ADAMTS12: variants seen among roughly 807,000 people sequenced by gnomAD.
The protein encoded by ADAMTS12 is ADAM metallopeptidase with thrombospondin type 1 motif 12, also known as A disintegrin and metalloproteinase with thrombospondin motifs 12.
Under a neutral mutation model 167.8 loss-of-function variants are expected in ADAMTS12, and 118 were observed. The ratio of observed to expected loss-of-function variants is 0.70; its 90% confidence interval spans 0.61 to 0.82. The LOEUF is 0.82. Ranked by LOEUF, ADAMTS12 falls within the 40% of genes least tolerant of loss-of-function variation. ADAMTS12 has a pLI of 0.00. For synonymous variants in ADAMTS12, 704 were observed against 716.9 expected, an observed-to-expected ratio of 0.98 and a Z score of 0.29; for missense variants, 1,916 against 1,998.8, an observed-to-expected ratio of 0.96 and a Z score of 0.79.
intron 2 of ADAMTS12, among the ~76,000 whole-genome samples, chr5:33,855,220 C>G (rs530519824): frequency 6.6e-6 from 1 of 152,306 alleles, no homozygotes; most frequent in South Asian, 2.1e-4. Flanking sequence ...AAAAGAGTAA[C>G]GTGGTATGAG....
chr5:33,739,816 T>C (rs1473072318), intron 3 of ADAMTS12, among the ~76,000 whole-genome samples: 4 of 152,020 alleles, frequency 2.6e-5, no homozygotes, highest in Admixed American at 6.6e-5. Context: ...GGCAAGGGTG[T>C]AAAGAAGGCA....
chr5:33,546,342 C>A, intron 21 of ADAMTS12, 140 bp from the exon 22 acceptor site: 2 of 692,042 alleles, frequency 2.9e-6, no homozygotes, highest in Non-Finnish European at 4.1e-6. Context: ...TTATAGCATT[C>A]CTGCAAATTC....
intron 19 of ADAMTS12, among the ~76,000 whole-genome samples, 185 bp from the exon 20 acceptor site, chr5:33,561,364 C>A (rs1036841066): frequency 6.6e-6 from 1 of 152,218 alleles, no homozygotes; most frequent in African/African-American, 2.4e-5. Context: ...TGGGGTAGGA[C>A]CCGGGGATGC....
At position 33,524,438 on chromosome 5, in the gene ADAMTS12, A is replaced by G. The variant is rs1743714367; in HGVS notation, c.*2750T>C. On this transcript the variant is annotated 3_prime_UTR_variant, in exon 24 of 24. Transcript: ENST00000504830. The stretch of plus-strand genomic sequence containing the variant: ...ACCAGGCCCTGCGATGGCCCTCTCT[A>G]TTTCATAGAGATATGTATCCAGTGT... 1 of 152,176 alleles carries G rather than the reference A, an allele frequency of 6.6e-6. No homozygotes were observed. Among genetic ancestry groups the G allele is most frequent in the African/African-American group, 2.4e-5 (1 of 41,438 alleles). The allele number at this position is 152,176 out of a possible 1,614,324, so 9.4% of individuals were successfully genotyped here.
chr5:33,750,065 T>C (rs1203447221), intron 3 of ADAMTS12, among the ~76,000 whole-genome samples: 2 of 152,168 alleles, frequency 1.3e-5, no homozygotes, highest in African/African-American at 4.8e-5. Flanking sequence ...TAATAGGAAT[T>C]GGGCAATTAT....
rs117104138 is a variant in ADAMTS12, at chr5:33,669,628, C to T, written c.916-7588G>A. 3.8e-3 allele frequency among the ~76,000 whole-genome samples: 579 copies of T among 151,434 alleles called. 10 individuals are homozygous for T. In the East Asian group the frequency reaches 0.068, roughly 18 times the overall value. ...ACTTATTCTGCACTTCTTGAATATA[C>T]GAGTTGAAGGCCAGAAGGTGTAGTA... On this transcript the variant is annotated intron_variant, in intron 5 of 23. Transcript: ENST00000504830.
At chr5:33,791,995 C>CTTTTTT (rs746021718) in intron 2 of ADAMTS12, among the ~76,000 whole-genome samples, 6 of 119,362 alleles carry the variant, frequency 5.0e-5, no homozygotes, top group African/African-American at 1.3e-4. Context: ...TGCTTTCACA[C>CTTTTTT]TTTTTTTTTT....
At chr5:33,802,265 C>T (rs777057650) in intron 2 of ADAMTS12, among the ~76,000 whole-genome samples, 3 of 152,212 alleles carry the variant, frequency 2.0e-5, no homozygotes, top group Middle Eastern at 3.2e-3. Context: ...AGTTCTCCAA[C>T]ACTAATCAAA....
At position 33,683,067 on chromosome 5, in the gene ADAMTS12, T is replaced by C. The variant is rs1463109282; in HGVS notation, c.866A>G (p.Asn289Ser). The change falls in exon 5 of 24, where the codon AAT becomes AGT. Residue 289 changes from asparagine (N) to serine (S), a missense_variant. By Grantham distance (46) the Asn-to-Ser change is conservative. Transcript: ENST00000504830. ...CCGAACCACAACAATGTGAATTGCA[T>C]TGCCAATGCTTGGGTTATGGAACAA... is the stretch of plus-strand genomic sequence containing the variant. ...TGLFHNPSIGNAIHIVVVRLI... is the reference protein window; with the variant it reads ...TGLFHNPSIGSAIHIVVVRLI... 27 of 1,613,676 alleles carry C rather than the reference T, an allele frequency of 1.7e-5. No homozygotes were observed. The highest frequency in any genetic ancestry group is 2.3e-5 in the Non-Finnish European group (27 of 1,179,826).
intron 12 of ADAMTS12, among the ~76,000 whole-genome samples, chr5:33,632,875 G>T (rs981970024): frequency 6.6e-6 from 1 of 152,188 alleles, no homozygotes; most frequent in Non-Finnish European, 1.5e-5. Context: ...GCTGGGAAGA[G>T]TTGGGACCAG....
intron 2 of ADAMTS12, among the ~76,000 whole-genome samples, chr5:33,829,159 C>G (rs6894469): frequency 1.3e-5 from 2 of 151,908 alleles, no homozygotes; most frequent in Non-Finnish European, 2.9e-5. Context: ...TACTTGCATG[C>G]CAATAATGGG....
At chr5:33,800,738 A>G (rs1746966528) in intron 2 of ADAMTS12, among the ~76,000 whole-genome samples, 2 of 152,174 alleles carry the variant, frequency 1.3e-5, no homozygotes, top group South Asian at 2.1e-4. Flanking sequence ...CTTACATTCA[A>G]TGGTGTGCTG....
chr5:33,652,590 C>G (rs1176863388), intron 7 of ADAMTS12, among the ~76,000 whole-genome samples: 1 of 152,026 alleles, frequency 6.6e-6, no homozygotes, highest in Non-Finnish European at 1.5e-5. Flanking sequence ...TCTGTTTACT[C>G]CACTGATTAT....
chr5:33,723,423 T>C (rs1371245535), intron 3 of ADAMTS12, among the ~76,000 whole-genome samples: 1 of 152,184 alleles, frequency 6.6e-6, no homozygotes. Flanking sequence ...CTTGCCCCTC[T>C]ATCTCCAAAT....
chr5:33,822,801 A>C (rs2591730), intron 2 of ADAMTS12, among the ~76,000 whole-genome samples: 14,200 of 152,232 alleles, frequency 0.093, 827 homozygotes, highest in South Asian at 0.24. Flanking sequence ...CTCAAGAAAA[A>C]TATAGGCCGG....
chr5:33,780,380 A>T (rs1407449645), intron 2 of ADAMTS12, among the ~76,000 whole-genome samples: 1 of 152,232 alleles, frequency 6.6e-6, no homozygotes, highest in African/African-American at 2.4e-5. Flanking sequence ...TTCTGATCTC[A>T]TCATACAAGG....
At chr5:33,688,016 C>T (rs1742400463) in intron 3 of ADAMTS12, among the ~76,000 whole-genome samples, 1 of 152,110 alleles carries the variant, frequency 6.6e-6, no homozygotes, top group Admixed American at 6.5e-5. Context: ...GCTATAATTT[C>T]CTGTTTTAAA....
rs887479806 is a variant in ADAMTS12 at position 33,661,917 on chromosome 5, T to G, written c.1039A>C (p.Arg347=). 1.9e-6 allele frequency: 3 copies of G among 1,613,234 alleles called. No individual in the cohort carries two copies. Among genetic ancestry groups the G allele is most frequent in the Non-Finnish European group, 2.5e-6 (3 of 1,179,466 alleles). Residue 347 remains arginine, a splice_region_variant and synonymous_variant, in exon 6 of 24, where the codon AGA becomes CGA. Transcript: ENST00000504830. The part of the protein sequence containing the change: ...VHHDVAVLLT[R]KDICAGFNRP... ...GGTTTCATGTAGTCTCTGGTGTACC[T>G]GGTGAGAAGGACAGCCACGTCGTGA... is the stretch of plus-strand genomic sequence containing the variant.
intron 16 of ADAMTS12, among the ~76,000 whole-genome samples, chr5:33,611,247 A>G (rs953843287): frequency 2.0e-5 from 3 of 152,240 alleles, no homozygotes; most frequent in African/African-American, 7.2e-5. Flanking sequence ...ACATGAGAAT[A>G]ATAAACACTA....
Sources: allele counts gnomAD v4.1 joint callset (sites outside exome capture counted in the v4.1 genomes callset), GRCh38; gene constraint gnomAD v4.1.1; transcripts MANE v1.5; gene names NCBI Gene and HGNC (gene_info 2026-07-23, HGNC 2026-07-21).